TMEM177: variants seen among roughly 807,000 people sequenced by gnomAD.
The protein encoded by TMEM177 is transmembrane protein 177.
In TMEM177, 4 loss-of-function variants were observed where a neutral mutation model predicts 14.2. The observed-to-expected ratio is 0.28, with a 90% confidence interval of 0.14 to 0.64. The LOEUF is 0.64. Among genes scored for constraint, TMEM177 ranks in the 30% least tolerant of loss-of-function variants. The probability of loss-of-function intolerance (pLI) is 0.82; values close to 1 mark genes in which losing one functional copy is unlikely to be tolerated. For synonymous variants in TMEM177, 179 were observed against 174.5 expected, an observed-to-expected ratio of 1.03 and a Z score of -0.20; for missense variants, 344 against 405.2, an observed-to-expected ratio of 0.85 and a Z score of 1.30.
At chr2:119,717,642 T>C in the TMEM177 span, among the ~76,000 whole-genome samples, 2 of 140,522 alleles carry the variant, frequency 1.4e-5, no homozygotes, top group African/African-American at 2.7e-5. Context: ...AGAGTCTTGC[T>C]CTGTCACCCA....
At chr2:119,703,511 A>T in the TMEM177 span, among the ~76,000 whole-genome samples, 1 of 152,214 alleles carries the variant, frequency 6.6e-6, no homozygotes, top group Non-Finnish European at 1.5e-5. Flanking sequence ...GTCCCACCGT[A>T]TGATGAAATG....
At chr2:119,705,098 A>C in the TMEM177 span, among the ~76,000 whole-genome samples, 1 of 152,148 alleles carries the variant, frequency 6.6e-6, no homozygotes, top group African/African-American at 2.4e-5. Flanking sequence ...TGAACAAATG[A>C]ATGCTCTGCC....
the TMEM177 span, among the ~76,000 whole-genome samples, chr2:119,696,468 A>C: frequency 0.026 from 3,980 of 152,252 alleles, 53 homozygotes; most frequent in Non-Finnish European, 0.032. Flanking sequence ...TGAACATCTG[A>C]TATGTGCCAG....
At chr2:119,697,118 T>C in the TMEM177 span, among the ~76,000 whole-genome samples, 19 of 152,298 alleles carry the variant, frequency 1.2e-4, no homozygotes, top group Admixed American at 3.3e-4. Context: ...AAGGTACAGT[T>C]CCCAGAGGTG....
At chr2:119,690,764 C>G (rs1467317776), downstream of TMEM177, among the ~76,000 whole-genome samples, 2 of 152,258 alleles carry the variant, frequency 1.3e-5, no homozygotes, top group Non-Finnish European at 2.9e-5. Flanking sequence ...TAAGCGCGGA[C>G]AGCTCACAGC....
In TMEM177 at chr2:119,681,177, C is replaced by A; in HGVS notation, c.324C>A (p.Ala108=). The change falls in exon 2 of 2, where the codon GCC becomes GCA. Residue 108 remains alanine, a synonymous_variant. Transcript: ENST00000272521. ...CTGGGGCTGTGGTGGGCATCCCTGC[C>A]AGTTTCTTGGGAGACCTAGTGATCA... is the stretch of plus-strand genomic sequence containing the variant. ...LPAGAVVGIP[A]SFLGDLVINT... 1 of 1,614,216 alleles carries A rather than the reference C, an allele frequency of 6.2e-7. No individual in the cohort carries two copies. Among genetic ancestry groups the A allele is most frequent in the Non-Finnish European group, 8.5e-7 (1 of 1,180,034 alleles).
the TMEM177 span, among the ~76,000 whole-genome samples, chr2:119,709,836 C>T: frequency 2.1e-4 from 32 of 152,230 alleles, 1 homozygote; most frequent in Admixed American, 1.6e-3. Context: ...AATAAATAAA[C>T]AAATAAATAA....
At chr2:119,682,126 G>GTTTT (rs34879718), downstream of TMEM177, 127 of 141,920 alleles carry the variant, frequency 8.9e-4, 2 homozygotes, top group Middle Eastern at 7.1e-3. Flanking sequence ...CTTCTTGGTC[G>GTTTT]TTTTTTTTTT....
chr2:119,707,878 G>A, the TMEM177 span, among the ~76,000 whole-genome samples: 3 of 152,236 alleles, frequency 2.0e-5, no homozygotes, highest in Admixed American at 6.5e-5. Context: ...CAGGAGATGG[G>A]GAGGTGGGAG....
the TMEM177 span, among the ~76,000 whole-genome samples, chr2:119,697,274 T>C: frequency 1.4e-4 from 22 of 152,342 alleles, no homozygotes; most frequent in Admixed American, 1.3e-3. Flanking sequence ...AAGTACAGGC[T>C]ATTTGGTCAG....
downstream of TMEM177, among the ~76,000 whole-genome samples, chr2:119,687,079 T>G (rs115366187): frequency 0.014 from 2,136 of 152,276 alleles, 22 homozygotes; most frequent in Non-Finnish European, 0.021. Flanking sequence ...ACATTGAGGG[T>G]ATATCACCTC....
Position 119,680,913 on chromosome 2 carries a change from G to T in TMEM177, c.60G>T (p.Leu20Phe). The change falls in exon 2 of 2, where the codon TTG becomes TTT. Residue 20 changes from leucine to phenylalanine, a missense_variant. Transcript: ENST00000272521. ...TGCAGAGACACAGGACAGGCCTCTT[G>T]GTGGGTTCCTGTGCAGGCCTGTTTG... ...AFVQRHRTGL[L>F]VGSCAGLFGV... The T allele has an allele frequency of 6.2e-7, 1 of 1,614,230 alleles. No individual in the cohort carries two copies. The highest frequency in any genetic ancestry group is 8.5e-7 in the Non-Finnish European group (1 of 1,180,034).
At chr2:119,686,264 G>C (rs1002543530), downstream of TMEM177, 10 of 61,462 alleles carry the variant, frequency 1.6e-4, no homozygotes, top group African/African-American at 3.1e-4. Context: ...GCATATAGTA[G>C]GCTTTAAAAA....
chr2:119,716,135 A>G, the TMEM177 span, among the ~76,000 whole-genome samples: 3 of 152,184 alleles, frequency 2.0e-5, no homozygotes, highest in Non-Finnish European at 4.4e-5. Flanking sequence ...TGCCGCCAAG[A>G]AAGGAAGACA....
At chr2:119,717,821 T>C in the TMEM177 span, among the ~76,000 whole-genome samples, 1 of 152,112 alleles carries the variant, frequency 6.6e-6, no homozygotes, top group Non-Finnish European at 1.5e-5. Flanking sequence ...AGTTTTGCCA[T>C]GTTGCCCAGC....
chr2:119,698,183 T>C, the TMEM177 span, among the ~76,000 whole-genome samples: 3 of 152,212 alleles, frequency 2.0e-5, no homozygotes, highest in Non-Finnish European at 4.4e-5. Context: ...AAAGTCTGCC[T>C]GGGTGTGGTA....
the TMEM177 span, among the ~76,000 whole-genome samples, chr2:119,706,223 G>A: frequency 6.6e-6 from 1 of 151,778 alleles, no homozygotes; most frequent in African/African-American, 2.4e-5. Context: ...ACGGGGTTTC[G>A]CCACGTTGGC....
the TMEM177 span, among the ~76,000 whole-genome samples, chr2:119,694,919 A>G: frequency 6.6e-6 from 1 of 152,136 alleles, no homozygotes; most frequent in African/African-American, 2.4e-5. Flanking sequence ...CACTCACTCT[A>G]TTTGGACAAT....
chr2:119,713,208 T>G, the TMEM177 span, among the ~76,000 whole-genome samples: 1 of 152,134 alleles, frequency 6.6e-6, no homozygotes, highest in Non-Finnish European at 1.5e-5. Flanking sequence ...TAGCTGGGAT[T>G]ACAGGCATGT....
Sources: gnomAD v4.1 joint callset for allele counts (sites outside exome capture counted in the v4.1 genomes callset) on GRCh38, gnomAD v4.1.1 for gene constraint, MANE v1.5 for transcripts, NCBI Gene and HGNC (gene_info 2026-07-23, HGNC 2026-07-21) for gene names.